NRTN: variants seen among roughly 807,000 people sequenced by gnomAD.
NRTN encodes neurturin, also known as prepro-neurturin.
Under a neutral mutation model 7.5 loss-of-function variants are expected in NRTN, and 3 were observed. That is an observed-to-expected ratio of 0.40 (90% CI 0.18 to 1.03). The LOEUF (loss-of-function observed/expected upper bound fraction) is 1.03. Ranked by LOEUF, NRTN falls within the 50% of genes least tolerant of loss-of-function variation. NRTN has a pLI of 0.34. For missense variants in NRTN, 310 were observed against 307.0 expected (o/e 1.01, Z -0.07); for synonymous variants, 157 against 146.6 (o/e 1.07, Z -0.51).
At chr19:5,820,735 CAAGAAAAAAAAAAAAAA>C (rs769607404) in intron 1 of NRTN, among the ~76,000 whole-genome samples, 1 of 62,138 alleles carries the variant, frequency 1.6e-5, no homozygotes, top group Non-Finnish European at 2.9e-5. Context: ...AACTCTGTCT[CAAGAAAAAAAAAAAAAA>C]AAAAAAAAAA....
intron 1 of NRTN, among the ~76,000 whole-genome samples, chr19:5,809,235 A>G (rs1195944184): frequency 1.3e-5 from 2 of 150,456 alleles, no homozygotes; most frequent in Non-Finnish European, 2.9e-5. Context: ...CAGTGGCGCA[A>G]TCATAGCTCA....
chr19:5,826,814 C>T (rs1331878513), intron 2 of NRTN, among the ~76,000 whole-genome samples: 1 of 152,202 alleles, frequency 6.6e-6, no homozygotes, highest in Non-Finnish European at 1.5e-5. Context: ...GAATCGGTGA[C>T]TTGGGCACCT....
At position 5,821,233 on chromosome 19, in the gene NRTN, G is replaced by A. The variant is rs59101367; in HGVS notation, c.-398-2535G>A. Among the ~76,000 whole-genome samples, 821 of 146,276 alleles carry A rather than the reference G, an allele frequency of 5.6e-3. 6 individuals are homozygous for A. Among genetic ancestry groups the A allele is most frequent in the African/African-American group, 0.02 (787 of 39,476 alleles). On this transcript the variant is annotated intron_variant, in intron 1 of 2. Transcript: ENST00000303212. Reference sequence around the variant, plus strand: ...TCCCAATAAATCCATCCATCCATCCGTTCACTCAGACATGAAATTCTGGAC... The same window carrying A: ...TCCCAATAAATCCATCCATCCATCCATTCACTCAGACATGAAATTCTGGAC...
chr19:5,813,409 C>T (rs971114624), intron 1 of NRTN, among the ~76,000 whole-genome samples: 2 of 151,740 alleles, frequency 1.3e-5, no homozygotes, highest in Non-Finnish European at 2.9e-5. Flanking sequence ...CGGTGGCTCA[C>T]GCCTGTAATC....
intron 1 of NRTN, among the ~76,000 whole-genome samples, chr19:5,808,841 C>T (rs12979167): frequency 0.16 from 24,168 of 150,986 alleles, 2,338 homozygotes; most frequent in Non-Finnish European, 0.23. Context: ...CTGCAAGCTC[C>T]GCCTCCCGGG....
intron 2 of NRTN, among the ~76,000 whole-genome samples, chr19:5,826,740 G>A (rs1020987998): frequency 3.3e-5 from 5 of 152,294 alleles, no homozygotes; most frequent in African/African-American, 1.2e-4. Flanking sequence ...GTTCTCTCCC[G>A]GGGCTTCCGA....
In NRTN at chr19:5,805,142, G is replaced by A. The variant is rs2056971064; in HGVS notation, c.-708G>A. ...TCTCGCCGCCGCCCCGGAGCCCCGTGCTGCGCGCCGAGGCCGCCTGCGCCG... is the reference window on the plus strand; with the variant it reads ...TCTCGCCGCCGCCCCGGAGCCCCGTACTGCGCGCCGAGGCCGCCTGCGCCG... On this transcript the variant is annotated 5_prime_UTR_variant, in exon 1 of 3. Transcript: ENST00000303212. 1.4e-5 allele frequency among the ~76,000 whole-genome samples: 2 copies of A among 146,566 alleles called. No homozygotes were observed. Among genetic ancestry groups the A allele is most frequent in the African/African-American group, 4.9e-5 (2 of 40,834 alleles).
chr19:5,810,471 T>C (rs1464559233), intron 1 of NRTN, among the ~76,000 whole-genome samples: 2 of 151,858 alleles, frequency 1.3e-5, no homozygotes, highest in Non-Finnish European at 2.9e-5. Context: ...TTAGCCTCAG[T>C]TTCCCTACGT....
chr19:5,824,299 G>A lies in NRTN; in HGVS notation c.134G>A (p.Arg45Gln), dbSNP rs1391201078. 9 of 1,608,528 alleles carry A rather than the reference G, an allele frequency of 5.6e-6. No homozygotes were observed. Among genetic ancestry groups the A allele is most frequent in the East Asian group, 4.5e-5 (2 of 44,758 alleles). Reference protein sequence around the residue: ...PALVPLHRLPRTLDARIARLA... With the variant: ...PALVPLHRLPQTLDARIARLA... ...CTGGTCCCCCTGCACCGCCTGCCTC[G>A]AACCCTGGACGCCCGGATTGCCCGC... Residue 45 changes from arginine to glutamine, a missense_variant, in exon 2 of 3, where the codon CGA becomes CAA. Arg to Gln is a conservative substitution (Grantham distance 43, BLOSUM62 1). Coordinates refer to ENST00000303212, the MANE Select transcript of NRTN (RefSeq NM_004558.5).
At chr19:5,817,790 G>A (rs974580922) in intron 1 of NRTN, among the ~76,000 whole-genome samples, 1 of 152,112 alleles carries the variant, frequency 6.6e-6, no homozygotes, top group Non-Finnish European at 1.5e-5. Context: ...AACAGTGAAT[G>A]TGGGAGTGTT....
rs185514179 is a variant in NRTN at position 5,822,503 on chromosome 19, C to T, written c.-398-1265C>T. 3.3e-3 allele frequency among the ~76,000 whole-genome samples: 502 copies of T among 152,324 alleles called. 14 individuals are homozygous for T. The South Asian group carries it at 0.055, about 17-fold the overall frequency. ...GCGTCGAGTGTGGTGGGCGTGTACA[C>T]GTGAGTTATTAAACACCGACTGTAT... is the stretch of plus-strand genomic sequence containing the variant. On this transcript the variant is annotated intron_variant, in intron 1 of 2. Transcript: ENST00000303212.
intron 1 of NRTN, among the ~76,000 whole-genome samples, chr19:5,818,818 G>A (rs1488715627): frequency 2.0e-5 from 3 of 151,596 alleles, no homozygotes; most frequent in South Asian, 2.1e-4. Flanking sequence ...GGTGGCCCCC[G>A]AGAACAGAGA....
intron 1 of NRTN, among the ~76,000 whole-genome samples, chr19:5,811,859 A>G (rs2056991614): frequency 6.7e-6 from 1 of 148,936 alleles, no homozygotes; most frequent in Admixed American, 6.7e-5. Context: ...CCCAGTTATT[A>G]TTATTATTAT....
intron 2 of NRTN, among the ~76,000 whole-genome samples, chr19:5,827,521 G>A (rs937731439): frequency 5.9e-5 from 9 of 151,294 alleles, no homozygotes; most frequent in Admixed American, 5.9e-4. Context: ...TTTTGGACCA[G>A]CGTAGGGGTG....
intron 1 of NRTN, among the ~76,000 whole-genome samples, chr19:5,810,191 C>T (rs952796415): frequency 2.7e-5 from 4 of 148,788 alleles, no homozygotes; most frequent in East Asian, 2.0e-4. Flanking sequence ...GGCGTGAACC[C>T]GGAAGGCAGA....
At chr19:5,826,114 G>A (rs1347525443) in intron 2 of NRTN, among the ~76,000 whole-genome samples, 9 of 150,566 alleles carry the variant, frequency 6.0e-5, no homozygotes, top group African/African-American at 9.8e-5. Flanking sequence ...CAGCCTGGGC[G>A]ACAGAGCGAG....
chr19:5,826,131 T>C (rs1379785075), intron 2 of NRTN, among the ~76,000 whole-genome samples: 1 of 138,452 alleles, frequency 7.2e-6, no homozygotes, highest in Non-Finnish European at 1.5e-5. Context: ...CGAGACTCCG[T>C]CTCAAAAAAA....
chr19:5,825,643 G>C (rs867927328), intron 2 of NRTN, among the ~76,000 whole-genome samples: 2 of 152,226 alleles, frequency 1.3e-5, no homozygotes, highest in Non-Finnish European at 2.9e-5. Flanking sequence ...ACGAATGGAG[G>C]AATTTCAGGC....
chr19:5,820,889 T>C (rs972598735), intron 1 of NRTN, among the ~76,000 whole-genome samples: 29 of 151,342 alleles, frequency 1.9e-4, no homozygotes, highest in Admixed American at 4.6e-4. Flanking sequence ...AGCTGCTTCA[T>C]CCCCTTCCAA....
Sources: gnomAD v4.1 joint callset for allele counts (sites outside exome capture counted in the v4.1 genomes callset) on GRCh38, gnomAD v4.1.1 for gene constraint, MANE v1.5 for transcripts, NCBI Gene and HGNC (gene_info 2026-07-23, HGNC 2026-07-21) for gene names.